OFD1: variants seen among roughly 807,000 people sequenced by gnomAD.
OFD1 encodes centriole and centriolar satellite protein OFD1.
A neutral mutation model predicts 81.4 loss-of-function variants in OFD1; 12 were observed. The ratio of observed to expected loss-of-function variants is 0.15; its 90% CI spans 0.09 to 0.24. The LOEUF (loss-of-function observed/expected upper bound fraction) is 0.24, where lower values mean the gene tolerates loss of function less well. Ranked by LOEUF, OFD1 falls within the 10% of genes least tolerant of loss-of-function variation. The pLI, the probability that OFD1 is intolerant of heterozygous loss-of-function variation, is 1.00. For missense variants in OFD1, 685 were observed against 733.9 expected (o/e 0.93, Z 0.77); for synonymous variants, 256 against 263.7 (o/e 0.97, Z 0.28).
At chrX:13,739,971 C>A in intron 5 of OFD1, 1 of 893,336 alleles carries the variant, frequency 1.1e-6, no homozygotes, top group East Asian at 7.8e-5. Flanking sequence ...TGTGTTGGTA[C>A]ACCCTTGGAT....
At chrX:13,743,624 G>A (rs2047188563) in intron 5 of OFD1, among the ~76,000 whole-genome samples, 1 of 112,423 alleles carries the variant, frequency 8.9e-6, no homozygotes. Context: ...TCTTAGCAGT[G>A]TTATAGGGAA....
intron 7 of OFD1, 79 bp downstream of exon 7, chrX:13,746,534 A>G: frequency 1.8e-6 from 2 of 1,088,061 alleles, no homozygotes; most frequent in South Asian, 1.9e-5. Flanking sequence ...GTATATGGGA[A>G]AATATCTAGA....
chrX:13,760,021 T>C, intron 15 of OFD1, 94 bp from the exon 16 acceptor site: 1 of 1,093,611 alleles, frequency 9.1e-7, no homozygotes. Flanking sequence ...TCCTTATTAC[T>C]CTCTTCCATT....
chrX:13,743,658 A>C (rs140696706), intron 5 of OFD1, among the ~76,000 whole-genome samples: 69 of 112,303 alleles, frequency 6.1e-4, no homozygotes, highest in African/African-American at 2.1e-3. Flanking sequence ...CTGTTGTATT[A>C]ATTTGCATTT....
At chrX:13,740,128 T>C (rs2047032960) in intron 5 of OFD1, 2 of 968,408 alleles carry the variant, frequency 2.1e-6, no homozygotes, top group Admixed American at 3.0e-5. Context: ...CTCTTGGTAG[T>C]AATGTTAGCA....
At chrX:13,753,166 T>C in intron 10 of OFD1, 1 of 1,048,279 alleles carries the variant, frequency 9.5e-7, no homozygotes, top group Non-Finnish European at 1.2e-6. Context: ...GGACCCAGTT[T>C]ATAGGATCAA....
At position 13,751,336 on chromosome X, in the gene OFD1, C is replaced by G; in HGVS notation, c.1023C>G (p.Thr341=). The G allele has an allele frequency of 8.3e-7, 1 of 1,201,783 alleles. No homozygotes were observed. Among genetic ancestry groups the G allele is most frequent in the Non-Finnish European group, 1.1e-6 (1 of 887,376 alleles). The change falls in exon 10 of 23, where the codon ACC becomes ACG. Residue 341 remains threonine, a synonymous_variant. Transcript: ENST00000340096. ...AGAATATAAAGAGTTTTGAGGAGAC[C>G]TATGACCGAAAGCTCAAGAATGAAC... The part of the protein sequence containing the change: ...QEQNIKSFEE[T]YDRKLKNELL...
At chrX:13,763,964 T>A in intron 19 of OFD1, 109 bp downstream of exon 19, 2 of 616,339 alleles carry the variant, frequency 3.2e-6, no homozygotes, top group Non-Finnish European at 2.7e-6. Flanking sequence ...TAGGTGTAAA[T>A]TAGTCAAAAT....
chrX:13,752,627 G>A (rs1569133445), intron 10 of OFD1: 1 of 891,185 alleles, frequency 1.1e-6, no homozygotes. Flanking sequence ...GAATTTTTAG[G>A]AATAAATGAA....
At position 13,758,414 on chromosome X, in the gene OFD1, C is replaced by G; in HGVS notation, c.1620C>G (p.Ala540=). 8.3e-7 allele frequency: 1 copy of G among 1,202,382 alleles called. No homozygotes were observed. The highest frequency in any genetic ancestry group is 1.1e-6 in the Non-Finnish European group (1 of 888,168). The change falls in exon 15 of 23, where the codon GCC becomes GCG. Residue 540 remains alanine, a synonymous_variant. Coordinates refer to ENST00000340096, the MANE Select transcript of OFD1 (RefSeq NM_003611.3). ...ASVKSLTTQV[A]DLKLQLKQTQ... ...TAAAGAGTTTAACTACTCAGGTTGCCGATTTAAAATTGCAACTGAAGCAAA... is the reference window on the plus strand; with the variant it reads ...TAAAGAGTTTAACTACTCAGGTTGCGGATTTAAAATTGCAACTGAAGCAAA...
chrX:13,737,252 GT>G (rs373562457), intron 3 of OFD1, among the ~76,000 whole-genome samples: 2,701 of 98,725 alleles, frequency 0.027, 72 homozygotes, highest in African/African-American at 0.072. Flanking sequence ...AAAAACACTT[GT>G]TTTTTTTTTT....
At chrX:13,757,905 C>T in intron 14 of OFD1, 115 bp downstream of exon 14, 3 of 856,794 alleles carry the variant, frequency 3.5e-6, no homozygotes. Context: ...AAACATTACT[C>T]CCCCAAATAT....
rs763342688 is a variant in OFD1 at position 13,761,091 on chromosome X, G to A, written c.2267G>A (p.Gly756Asp). ...GGTTCTTTCTGCACCTTAGGTCTGG[G>A]CAGATCACACATTGCTTCCCCCAGT... ...LESEMYLEGL[G>D]RSHIASPSPC... The change falls in exon 17 of 23, where the codon GGC becomes GAC. Residue 756 changes from glycine (G) to aspartate (D), a missense_variant. By Grantham distance (94) the Gly-to-Asp change is moderately conservative (BLOSUM62 -1). Coordinates refer to ENST00000340096, the MANE Select transcript of OFD1 (RefSeq NM_003611.3). The A allele has an allele frequency of 6.6e-6, 8 of 1,211,150 alleles. No individual in the cohort carries two copies. The highest frequency in any genetic ancestry group is 7.8e-6 in the Non-Finnish European group (7 of 895,276).
intron 17 of OFD1, 97 bp downstream of exon 17, chrX:13,761,308 AATT>A (rs2047920815): frequency 5.5e-6 from 5 of 911,909 alleles, no homozygotes. Context: ...TTTTTGAGAT[AATT>A]ATTATAGATC....
chrX:13,736,862 T>A (rs1267796431), intron 3 of OFD1, among the ~76,000 whole-genome samples, 184 bp downstream of exon 3: 1 of 112,556 alleles, frequency 8.9e-6, no homozygotes, highest in Admixed American at 9.4e-5. Flanking sequence ...AATTTGAAAT[T>A]AATTTCTTGG....
rs1331948057 is a variant in OFD1 at position 13,735,340 on chromosome X, A to G, written c.105A>G (p.Thr35=). 1 of 1,198,465 alleles carries G rather than the reference A, an allele frequency of 8.3e-7. No homozygotes were observed. Among genetic ancestry groups the G allele is most frequent in the Admixed American group, 2.2e-5 (1 of 46,103 alleles). The change falls in exon 2 of 23, where the codon ACA becomes ACG. Residue 35 remains threonine (T), a synonymous_variant. Transcript: ENST00000340096. ...TTAAGGATCGGGGTATACTGGATAC[A>G]CTCAAGGTATCGGATTTAGGCGTAT... ...QTFKDRGILD[T]LKTQLRNQLI...
At chrX:13,720,084 T>A in the OFD1 span, 1 of 591,705 alleles carries the variant, frequency 1.7e-6, no homozygotes, top group Admixed American at 4.5e-5. Flanking sequence ...AAACCTGACA[T>A]TGTAGAGGAA....
In OFD1 at chrX:13,758,366, G is replaced by C. The variant is rs1251746588; in HGVS notation, c.1572G>C (p.Gln524His). 2 of 1,206,810 alleles carry C rather than the reference G, an allele frequency of 1.7e-6. No homozygotes were observed. The highest frequency in any genetic ancestry group is 2.2e-6 in the Non-Finnish European group (2 of 891,436). The change falls in exon 15 of 23, where the codon CAG becomes CAC. Residue 524 changes from glutamine (Q) to histidine (H), a missense_variant. Around this residue, in one of 3 missense-constraint regions of OFD1, gnomAD observed 414 missense variants for 447.2 expected, o/e 0.93. Coordinates refer to ENST00000340096, the MANE Select transcript of OFD1 (RefSeq NM_003611.3). ...AGCATTCTGCACAGCTGAAGGCCCA[G>C]ATTCTAGGTTACAAAGCTTCTGTAA... is the stretch of plus-strand genomic sequence containing the variant. ...EIEHSAQLKA[Q>H]ILGYKASVKS...
rs111769430 is a variant in OFD1 at position 13,753,456 on chromosome X, GA to G, written c.1129+19del. ...GAAGAATAAAGGTGATGTTTGGGGG[GA>G]AAATAAGCTGTATTTTTCAGTTCTG... On this transcript the variant is annotated intron_variant, in intron 11 of 22. Coordinates refer to ENST00000340096, the MANE Select transcript of OFD1 (RefSeq NM_003611.3). 2.5e-6 allele frequency: 3 copies of G among 1,204,953 alleles called. No homozygotes were observed. The South Asian group carries it at 5.3e-5, about 21-fold the overall frequency.
Sources: gnomAD v4.1 joint callset for allele counts (sites outside exome capture counted in the v4.1 genomes callset) on GRCh38, gnomAD v4.1.1 for gene constraint, gnomAD v4.1.1 regional missense constraint, MANE v1.5 for transcripts, NCBI Gene and HGNC (gene_info 2026-07-23, HGNC 2026-07-21) for gene names.